The following GPHN variants were observed in gnomAD, a reference collection of about 807,000 sequenced individuals.
GPHN encodes gephyrin.
Under a neutral mutation model 95.5 loss-of-function variants are expected in GPHN, and 17 were observed. The observed-to-expected ratio is 0.18, with a 90% CI of 0.12 to 0.27. GPHN has a LOEUF of 0.27. Ranked by LOEUF, GPHN falls within the 10% of genes least tolerant of loss-of-function variation. The probability of loss-of-function intolerance (pLI) is 1.00; values close to 1 mark genes in which losing one functional copy is unlikely to be tolerated. For missense variants in GPHN, 660 were observed against 978.1 expected, an observed-to-expected ratio of 0.67 and a Z score of 4.34; for synonymous variants, 320 against 322.5, an observed-to-expected ratio of 0.99 and a Z score of 0.08.
the GPHN span, among the ~76,000 whole-genome samples, chr14:67,603,447 C>T: frequency 6.6e-6 from 1 of 151,864 alleles, no homozygotes; most frequent in Non-Finnish European, 1.5e-5. Flanking sequence ...TAAAAATACT[C>T]AATTATTAGG....
chr14:67,712,611 T>A, the GPHN span, among the ~76,000 whole-genome samples: 1 of 152,040 alleles, frequency 6.6e-6, no homozygotes, highest in African/African-American at 2.4e-5. Context: ...TTAAGCTGAC[T>A]TTTAACCATT....
chr14:67,156,430 C>T (rs970530904), intron 18 of GPHN, among the ~76,000 whole-genome samples: 2 of 152,004 alleles, frequency 1.3e-5, no homozygotes, highest in Non-Finnish European at 2.9e-5. Context: ...CTTGTATTGT[C>T]TGGGAAGTGA....
intron 1 of GPHN, among the ~76,000 whole-genome samples, chr14:66,655,341 C>T (rs1447336704): frequency 6.6e-6 from 1 of 151,990 alleles, no homozygotes; most frequent in Non-Finnish European, 1.5e-5. Flanking sequence ...AGATGTACAC[C>T]TACCTATTTC....
chr14:67,108,968 T>C (rs1267830803), intron 13 of GPHN, among the ~76,000 whole-genome samples: 2 of 152,176 alleles, frequency 1.3e-5, no homozygotes, highest in Admixed American at 1.3e-4. Flanking sequence ...GCAATTTTCT[T>C]GTTGTCCGAC....
chr14:66,732,847 G>A (rs1292925635), intron 2 of GPHN, among the ~76,000 whole-genome samples: 1 of 152,156 alleles, frequency 6.6e-6, no homozygotes, highest in African/African-American at 2.4e-5. Context: ...ATAGGCAGAA[G>A]GGACTTGCCT....
intron 2 of GPHN, among the ~76,000 whole-genome samples, chr14:66,716,655 T>G (rs1361356892): frequency 6.6e-6 from 1 of 152,220 alleles, no homozygotes; most frequent in African/African-American, 2.4e-5. Context: ...TTTGATATTT[T>G]TCCAGGAATT....
chr14:67,422,672 A>G, the GPHN span, among the ~76,000 whole-genome samples: 2 of 152,216 alleles, frequency 1.3e-5, no homozygotes, highest in Admixed American at 6.5e-5. Flanking sequence ...AAGAAAATGC[A>G]TATCAGTTAG....
chr14:67,562,658 G>A, the GPHN span: 1 of 1,612,738 alleles, frequency 6.2e-7, no homozygotes, highest in Non-Finnish European at 8.5e-7. Flanking sequence ...TGGGCACTTT[G>A]GCCGTGTGGT....
intron 1 of GPHN, among the ~76,000 whole-genome samples, chr14:66,528,783 C>G (rs954807971): frequency 2.0e-5 from 3 of 152,116 alleles, no homozygotes; most frequent in African/African-American, 7.2e-5. Flanking sequence ...AGAGTGTAGA[C>G]TATTGGCCCC....
At chr14:67,442,267 T>C in the GPHN span, among the ~76,000 whole-genome samples, 2 of 152,140 alleles carry the variant, frequency 1.3e-5, no homozygotes, top group African/African-American at 2.4e-5. Context: ...GTCAACCCAC[T>C]GAACCAAGGG....
chr14:67,405,008 C>T, the GPHN span, among the ~76,000 whole-genome samples: 3 of 151,602 alleles, frequency 2.0e-5, no homozygotes, highest in Non-Finnish European at 2.9e-5. Flanking sequence ...CCAAAGTAGG[C>T]GGGTCACCTG....
chr14:67,634,437 A>AG, the GPHN span, among the ~76,000 whole-genome samples: 1 of 150,590 alleles, frequency 6.6e-6, no homozygotes, highest in Admixed American at 6.6e-5. Flanking sequence ...TACCAAAAAA[A>AG]AAAAAAAAAA....
chr14:67,375,261 T>C, the GPHN span, among the ~76,000 whole-genome samples: 8 of 149,278 alleles, frequency 5.4e-5, no homozygotes, highest in African/African-American at 2.0e-4. Context: ...TGTGTGTGTG[T>C]GTGTGTGTGT....
the GPHN span, chr14:67,303,665 A>ACTGTTACAGAAATGTCACTGTTTC: frequency 2.7e-6 from 3 of 1,116,668 alleles, no homozygotes; most frequent in Non-Finnish European, 4.1e-6. Context: ...GTTACTGTTT[A>ACTGTTACAGAAATGTCACTGTTTC]CTGTTACAGA....
chr14:67,089,133 C>CTTTTTTT lies in GPHN; in HGVS notation c.1237+77_1237+83dup, dbSNP rs1163483546. 938 of 199,600 alleles carry CTTTTTTT rather than the reference C, an allele frequency of 4.7e-3. 2 individuals are homozygous for CTTTTTTT. The highest frequency in any genetic ancestry group is 8.0e-3 in the South Asian group (166 of 20,872). 12.4% of individuals were successfully genotyped at this position (199,600 alleles called of 1,614,324 possible). A position where few individuals can be genotyped will look rare whatever the true frequency, so the allele number is the denominator to read the frequency against. ...GCACTGTATTTTTTTTTCTTTTTTTCTTTTTTTTTTTTTTTTTTTTTTTTT... is the reference window on the plus strand; with the variant it reads ...GCACTGTATTTTTTTTTCTTTTTTTCTTTTTTTTTTTTTTTTTTTTTTTTTTTTTTTT... On this transcript the variant is annotated intron_variant, in intron 12 of 22. Coordinates refer to ENST00000478722, the MANE Select transcript of GPHN (RefSeq NM_020806.5).
the GPHN span, chr14:67,359,630 A>G: frequency 1.2e-6 from 2 of 1,613,716 alleles, no homozygotes; most frequent in Non-Finnish European, 1.7e-6. Context: ...AAACCTGTGA[A>G]AGCGGCTTAT....
the GPHN span, among the ~76,000 whole-genome samples, chr14:67,307,659 T>G: frequency 6.6e-6 from 1 of 152,182 alleles, no homozygotes; most frequent in South Asian, 2.1e-4. Flanking sequence ...TAGTGTTGTG[T>G]GGAGATACTT....
chr14:67,038,444 G>T (rs902083728), intron 10 of GPHN, among the ~76,000 whole-genome samples: 1 of 152,014 alleles, frequency 6.6e-6, no homozygotes. Context: ...GTTTAAGAGG[G>T]TTACAAAATG....
the GPHN span, among the ~76,000 whole-genome samples, chr14:67,703,208 G>A: frequency 6.6e-6 from 1 of 152,000 alleles, no homozygotes; most frequent in Admixed American, 6.5e-5. Flanking sequence ...AATTATTTTT[G>A]GAAAAAATTG....
Sources: gnomAD v4.1 joint callset for allele counts (sites outside exome capture counted in the v4.1 genomes callset) on GRCh38, gnomAD v4.1.1 for gene constraint, MANE v1.5 for transcripts, NCBI Gene and HGNC (gene_info 2026-07-23, HGNC 2026-07-21) for gene names.